Variants in CSF1R observed in about 807,000 individuals in gnomAD.
CSF1R encodes colony stimulating factor 1 receptor, also known as macrophage colony-stimulating factor 1 receptor.
A neutral mutation model predicts 110.0 loss-of-function variants in CSF1R; 40 were observed. The observed-to-expected ratio is 0.36, with a 90% CI of 0.28 to 0.47. The LOEUF (loss-of-function observed/expected upper bound fraction) is 0.47. Ranked by LOEUF, CSF1R falls within the 20% of genes least tolerant of loss-of-function variation. The pLI, the probability that CSF1R is intolerant of heterozygous loss-of-function variation, is 0.99. For synonymous variants in CSF1R, 523 were observed against 503.4 expected (o/e 1.04, Z -0.52); for missense variants, 1,052 against 1,253.0 (o/e 0.84, Z 2.42).
At chr5:150,101,950 G>A (rs1759417702) in intron 1 of CSF1R, among the ~76,000 whole-genome samples, 1 of 151,978 alleles carries the variant, frequency 6.6e-6, no homozygotes, top group African/African-American at 2.4e-5. Flanking sequence ...TTCCATATTA[G>A]TTCATAGAGA....
intron 9 of CSF1R, among the ~76,000 whole-genome samples, chr5:150,068,787 G>A (rs1054155479): frequency 6.6e-6 from 1 of 152,196 alleles, no homozygotes; most frequent in African/African-American, 2.4e-5. Flanking sequence ...GAATCATACA[G>A]CCCTTCTGAG....
chr5:150,084,343 A>AAAAG (rs747780303), intron 1 of CSF1R, among the ~76,000 whole-genome samples: 1,210 of 84,206 alleles, frequency 0.014, 55 homozygotes, highest in Admixed American at 0.025. Context: ...AAAGATAGAA[A>AAAAG]AAAGAAAGAA....
rs1758318391 is a variant in CSF1R at position 150,077,449 on chromosome 5, G to A, written c.730-14C>T. ...AGGGATTGCGAGCTGCAGCCAGAAG[G>A]AATGGAGATGTTATACCAAGGTAGT... is the stretch of plus-strand genomic sequence containing the variant. On this transcript the variant is annotated splice_polypyrimidine_tract_variant and intron_variant, in intron 4 of 20. Transcript: ENST00000675795. 4.4e-6 allele frequency: 7 copies of A among 1,607,976 alleles called. No individual in the cohort carries two copies. The East Asian group carries it at 1.6e-4, about 36-fold the overall frequency.
rs575356528 is a variant in CSF1R at position 150,102,450 on chromosome 5, G to GT, written c.-181+10810dup. Among the ~76,000 whole-genome samples, 751 of 152,096 alleles carry GT rather than the reference G, an allele frequency of 4.9e-3. 5 individuals are homozygous for GT. The highest frequency in any genetic ancestry group is 0.017 in the African/African-American group (708 of 41,492). ...TTTCTTCTACAGATATCCTTTGTCCGTTTTTTTGTCTTTATTGATTCATTG... is the reference window on the plus strand; with the variant it reads ...TTTCTTCTACAGATATCCTTTGTCCGTTTTTTTTGTCTTTATTGATTCATTG... On this transcript the variant is annotated intron_variant, in intron 1 of 21. Coordinates refer to the CSF1R transcript ENST00000286301.
intron 1 of CSF1R, among the ~76,000 whole-genome samples, chr5:150,103,106 C>A (rs762900738): frequency 6.6e-6 from 1 of 152,222 alleles, no homozygotes; most frequent in Non-Finnish European, 1.5e-5. Flanking sequence ...GGGTTTGTGA[C>A]TTATCTCAGC....
chr5:150,112,485 A>G (rs1467176427), intron 1 of CSF1R, among the ~76,000 whole-genome samples: 3 of 152,258 alleles, frequency 2.0e-5, no homozygotes, highest in Non-Finnish European at 2.9e-5. Context: ...AATCCACTCA[A>G]GTTCCCATAA....
intron 1 of CSF1R, among the ~76,000 whole-genome samples, chr5:150,097,537 A>G (rs1759268966): frequency 6.6e-6 from 1 of 152,238 alleles, no homozygotes; most frequent in Non-Finnish European, 1.5e-5. Flanking sequence ...AAAATGCCAA[A>G]GAATCTACAA....
intron 1 of CSF1R, among the ~76,000 whole-genome samples, chr5:150,093,150 C>T (rs1038124820): frequency 1.3e-5 from 2 of 152,190 alleles, no homozygotes; most frequent in Non-Finnish European, 2.9e-5. Context: ...GTGATCTTGG[C>T]TCACTGCAAC....
At chr5:150,087,442 A>G (rs1352323927), upstream of CSF1R, among the ~76,000 whole-genome samples, 1 of 152,252 alleles carries the variant, frequency 6.6e-6, no homozygotes, top group Non-Finnish European at 1.5e-5. Flanking sequence ...CAGATGGGAA[A>G]ACTAAAGCTC....
intron 14 of CSF1R, 83 bp from the exon 15 acceptor site, chr5:150,057,675 C>T: frequency 2.0e-6 from 2 of 976,616 alleles, no homozygotes; most frequent in South Asian, 1.4e-5. Flanking sequence ...CCCACCACCC[C>T]ATGGTCAACT....
intron 1 of CSF1R, chr5:150,113,173 G>A (rs565857332): frequency 1.0e-3 from 160 of 152,616 alleles, no homozygotes; most frequent in Non-Finnish European, 2.0e-3. Context: ...TGCTGCAGCC[G>A]TGAGGGGTCT....
In CSF1R at chr5:150,056,149, G is replaced by T; in HGVS notation, c.2443-12C>A. On this transcript the variant is annotated splice_polypyrimidine_tract_variant and intron_variant, in intron 17 of 20. Coordinates refer to ENST00000675795, the MANE Select transcript of CSF1R (RefSeq NM_001288705.3). Reference sequence around the variant, plus strand: ...ACAGGCAGGCGGGCCTGGGATGACAGTCCCCAGTTATTTTGGGCCCCGACT... The same window carrying T: ...ACAGGCAGGCGGGCCTGGGATGACATTCCCCAGTTATTTTGGGCCCCGACT... 6.2e-7 allele frequency: 1 copy of T among 1,614,218 alleles called. No homozygotes were observed.
In CSF1R at chr5:150,059,799, T is replaced by G. The variant is rs1333874350; in HGVS notation, c.2033A>C (p.Lys678Thr). 6.2e-7 allele frequency: 1 copy of G among 1,614,196 alleles called. No homozygotes were observed. Among genetic ancestry groups the G allele is most frequent in the East Asian group, 2.2e-5 (1 of 44,872 alleles). The change falls in exon 14 of 21, where the codon AAG becomes ACG. Residue 678 changes from lysine (K) to threonine (T), a missense_variant. Coordinates refer to ENST00000675795, the MANE Select transcript of CSF1R (RefSeq NM_001288705.3). ...YGDLLNFLRR[K>T]AEAMLGPSLS... Reference sequence around the variant, plus strand: ...GCTGGGTCCCAGCATGGCCTCAGCCTTCCTTCGCAGAAAGTTGAGCAGGTC... The same window carrying G: ...GCTGGGTCCCAGCATGGCCTCAGCCGTCCTTCGCAGAAAGTTGAGCAGGTC...
At chr5:150,088,109 G>GGT (rs1462494838), upstream of CSF1R, among the ~76,000 whole-genome samples, 3 of 152,020 alleles carry the variant, frequency 2.0e-5, no homozygotes, top group Non-Finnish European at 4.4e-5. Context: ...CGTGTACTCA[G>GGT]GTGTGTGTGT....
intron 1 of CSF1R, chr5:150,098,637 G>A (rs1212970536): frequency 6.6e-6 from 1 of 152,000 alleles, no homozygotes; most frequent in Non-Finnish European, 1.5e-5. Context: ...CTTATATCAA[G>A]AGTATATAAA....
chr5:150,087,494 T>C (rs1758887857), upstream of CSF1R, among the ~76,000 whole-genome samples: 1 of 152,236 alleles, frequency 6.6e-6, no homozygotes, highest in Non-Finnish European at 1.5e-5. Flanking sequence ...GTCAAACAGC[T>C]ACCAAATGGT....
At chr5:150,057,866 C>T (rs1757324968) in intron 14 of CSF1R, among the ~76,000 whole-genome samples, 1 of 152,178 alleles carries the variant, frequency 6.6e-6, no homozygotes, top group South Asian at 2.1e-4. Context: ...TCCTCCTAGC[C>T]CCTGCTCTAC....
At chr5:150,084,600 C>T (rs1289239917) in intron 1 of CSF1R, among the ~76,000 whole-genome samples, 1 of 151,468 alleles carries the variant, frequency 6.6e-6, no homozygotes, top group African/African-American at 2.4e-5. Context: ...CTACAGGAAC[C>T]CACCACCACA....
chr5:150,054,277 CAACGTG>C (rs1311550561), intron 20 of CSF1R, 39 bp downstream of exon 20: 2 of 1,613,730 alleles, frequency 1.2e-6, no homozygotes, highest in Middle Eastern at 3.3e-4. Context: ...AGGCCCAGCC[CAACGTG>C]CTTTACCGGC....
Sources: gnomAD v4.1 joint callset for allele counts (sites outside exome capture counted in the v4.1 genomes callset) on GRCh38, gnomAD v4.1.1 for gene constraint, MANE v1.5 for transcripts, NCBI Gene and HGNC (gene_info 2026-07-23, HGNC 2026-07-21) for gene names.